The following ARAP3 variants were observed in gnomAD, a reference collection of about 807,000 sequenced individuals.
The protein encoded by ARAP3 is ArfGAP with RhoGAP domain, ankyrin repeat and PH domain 3, also known as arf-GAP with Rho-GAP domain, ANK repeat and PH domain-containing protein 3.
A neutral mutation model predicts 169.2 loss-of-function variants in ARAP3; 82 were observed. The observed-to-expected ratio is 0.48, with a 90% CI of 0.41 to 0.58. The LOEUF is 0.58. Ranked by LOEUF, ARAP3 falls within the 20% of genes least tolerant of loss-of-function variation. ARAP3 has a pLI of 0.00. For missense variants in ARAP3, 1,764 were observed against 2,018.0 expected, an observed-to-expected ratio of 0.87 and a Z score of 2.41; for synonymous variants, 791 against 800.3, an observed-to-expected ratio of 0.99 and a Z score of 0.20.
At chr5:141,674,117 C>T (rs2099911838) in intron 4 of ARAP3, among the ~76,000 whole-genome samples, 1 of 152,126 alleles carries the variant, frequency 6.6e-6, no homozygotes, top group South Asian at 2.1e-4. Flanking sequence ...GAATACGCTA[C>T]CACGCCTGGC....
intron 17 of ARAP3, among the ~76,000 whole-genome samples, chr5:141,666,049 AAAAAAT>A (rs1304058359): frequency 4.8e-5 from 7 of 145,740 alleles, no homozygotes; most frequent in African/African-American, 1.8e-4. Context: ...CAAAAAAAAA[AAAAAAT>A]AATAATAATA....
intron 4 of ARAP3, among the ~76,000 whole-genome samples, chr5:141,675,103 A>G (rs2099911987): frequency 1.3e-5 from 2 of 151,704 alleles, no homozygotes; most frequent in African/African-American, 4.8e-5. Flanking sequence ...ATTCTCCTCC[A>G]TGTTTCAGAG....
In ARAP3 at chr5:141,668,663, T is replaced by C. The variant is rs182126984; in HGVS notation, c.2352+1046A>G. On this transcript the variant is annotated intron_variant, in intron 16 of 32. Coordinates refer to ENST00000239440, the MANE Select transcript of ARAP3 (RefSeq NM_022481.6). ...GCCACGACAGAGCCCTGAAAAGATA[T>C]GGAGACAATGTGTTAGTGTGAGGAG... Among the ~76,000 whole-genome samples the C allele has an allele frequency of 5.3e-5, 8 of 152,192 alleles. No homozygotes were observed. The East Asian group carries it at 1.4e-3, about 26-fold the overall frequency.
chr5:141,667,821 C>A (rs1459488159), intron 16 of ARAP3, among the ~76,000 whole-genome samples: 2 of 151,258 alleles, frequency 1.3e-5, no homozygotes, highest in Non-Finnish European at 2.9e-5. Flanking sequence ...GCAGGCAGAT[C>A]ACCTGAGGTC....
At chr5:141,668,363 G>A (rs2099910961) in intron 16 of ARAP3, among the ~76,000 whole-genome samples, 1 of 152,174 alleles carries the variant, frequency 6.6e-6, no homozygotes, top group Admixed American at 6.5e-5. Flanking sequence ...TAAGTGCTGG[G>A]AATTGCAAGT....
In ARAP3 at chr5:141,673,085, G is replaced by A. The variant is rs764314221; in HGVS notation, c.1021C>T (p.Arg341Cys). The A allele has an allele frequency of 6.2e-6, 10 of 1,614,018 alleles. No individual in the cohort carries two copies. The highest frequency in any genetic ancestry group is 1.6e-4 in the Middle Eastern group (1 of 6,084). ...TGGAACTTGTTGTCCTTGCTGCTGCGGGTCATCTCAATGGCAGTCAAAGGT... is the reference window on the plus strand; with the variant it reads ...TGGAACTTGTTGTCCTTGCTGCTGCAGGTCATCTCAATGGCAGTCAAAGGT... ...VIPLTAIEMT[R>C]SSKDNKFQVI... Residue 341 changes from arginine to cysteine, a missense_variant, in exon 7 of 33, where the codon CGC becomes TGC. Transcript: ENST00000239440.
In ARAP3 at chr5:141,679,953, C is replaced by T. The variant is rs1196215732; in HGVS notation, c.524+10G>A. The T allele has an allele frequency of 6.2e-7, 1 of 1,613,958 alleles. No homozygotes were observed. The highest frequency in any genetic ancestry group is 1.7e-5 in the Admixed American group (1 of 59,990). On this transcript the variant is annotated intron_variant, in intron 2 of 32. Coordinates refer to ENST00000239440, the MANE Select transcript of ARAP3 (RefSeq NM_022481.6). ...CCAGCATCAGTCCCTAGGGAGCCAA[C>T]TCCACTCACTTGTCCTGAGCTGCCT...
rs754769208 is a variant in ARAP3 at position 141,662,274 on chromosome 5, C to T, written c.2801-19G>A. On this transcript the variant is annotated intron_variant, in intron 19 of 32. Transcript: ENST00000239440. ...CGGAGCCCTGAGGAGAGCCAGCCGT[C>T]TCTGCTCACCATGGTGCAAAGGCTA... 8.1e-6 allele frequency: 13 copies of T among 1,612,896 alleles called. No individual in the cohort carries two copies. Among genetic ancestry groups the T allele is most frequent in the Non-Finnish European group, 1.1e-5 (13 of 1,179,520 alleles).
rs755676610 is a variant in ARAP3, at chr5:141,658,351, G to A, written c.3526+14C>T. 8.5e-5 allele frequency: 137 copies of A among 1,611,804 alleles called. No individual in the cohort carries two copies. Among genetic ancestry groups the A allele is most frequent in the East Asian group, 5.6e-4 (25 of 44,892 alleles). ...TATACACATGCATGAACACACAGGC[G>A]TGGTCATACTCACCCAGCTCCCCAT... On this transcript the variant is annotated intron_variant, in intron 25 of 32. Coordinates refer to ENST00000239440, the MANE Select transcript of ARAP3 (RefSeq NM_022481.6).
chr5:141,673,827 G>A lies in ARAP3; in HGVS notation c.699-19C>T. ...GCTGAGCCTTGTGGGGGCCAAGACA[G>A]GGAGGGACACACATTAGACAAGTAC... On this transcript the variant is annotated intron_variant, in intron 4 of 32. Transcript: ENST00000239440. 2 of 1,612,856 alleles carry A rather than the reference G, an allele frequency of 1.2e-6. No individual in the cohort carries two copies. Among genetic ancestry groups the A allele is most frequent in the Non-Finnish European group, 1.7e-6 (2 of 1,179,586 alleles).
At chr5:141,682,040 G>A (rs1262961717) in intron 1 of ARAP3, 133 bp downstream of exon 1, 1 of 152,526 alleles carries the variant, frequency 6.6e-6, no homozygotes, top group Non-Finnish European at 1.5e-5. Flanking sequence ...GGCAGCAGGA[G>A]GGAGGGGCGG....
intron 19 of ARAP3, among the ~76,000 whole-genome samples, chr5:141,663,059 A>T (rs191853800): frequency 6.6e-6 from 1 of 152,342 alleles, no homozygotes; most frequent in African/African-American, 2.4e-5. Flanking sequence ...AGTATTCACT[A>T]ATTAAATGTT....
In ARAP3 at chr5:141,670,074, G is replaced by A. The variant is rs754162651; in HGVS notation, c.2108-11C>T. ...AAAGGCGCGGGGGAGCTAAGGCAGAGGGAGATAGTCAGGGAGCAGCAGACC... is the reference window on the plus strand; with the variant it reads ...AAAGGCGCGGGGGAGCTAAGGCAGAAGGAGATAGTCAGGGAGCAGCAGACC... On this transcript the variant is annotated splice_polypyrimidine_tract_variant and intron_variant, in intron 14 of 32. Transcript: ENST00000239440. 2.0e-5 allele frequency: 31 copies of A among 1,583,958 alleles called. No individual in the cohort carries two copies. The highest frequency in any genetic ancestry group is 2.5e-5 in the Non-Finnish European group (29 of 1,172,618).
chr5:141,659,935 G>C lies in ARAP3; in HGVS notation c.3120-9C>G, dbSNP rs1230821742. 1 of 1,548,724 alleles carries C rather than the reference G, an allele frequency of 6.5e-7. No homozygotes were observed. The highest frequency in any genetic ancestry group is 8.8e-7 in the Non-Finnish European group (1 of 1,142,702). On this transcript the variant is annotated splice_polypyrimidine_tract_variant and intron_variant, in intron 21 of 32. Coordinates refer to ENST00000239440, the MANE Select transcript of ARAP3 (RefSeq NM_022481.6). Reference sequence around the variant, plus strand: ...CCGCACATTTCTGCACCCTGCAGAGGGGTGCCACGGTCTTCATCAGTGTAG... The same window carrying C: ...CCGCACATTTCTGCACCCTGCAGAGCGGTGCCACGGTCTTCATCAGTGTAG...
At chr5:141,656,001 G>T in intron 29 of ARAP3, 63 bp downstream of exon 29, 1 of 1,613,806 alleles carries the variant, frequency 6.2e-7, no homozygotes, top group Non-Finnish European at 8.5e-7. Flanking sequence ...CATACAAAGA[G>T]GGAAGAGAAA....
intron 25 of ARAP3, 89 bp from the exon 26 acceptor site, chr5:141,656,935 C>T: frequency 6.7e-7 from 1 of 1,484,396 alleles, no homozygotes; most frequent in African/African-American, 1.4e-5. Context: ...ATCCATTCAA[C>T]TATCCAACCA....
In ARAP3 at chr5:141,672,370, G is replaced by T; in HGVS notation, c.1386-69C>A. 1 of 1,594,404 alleles carries T rather than the reference G, an allele frequency of 6.3e-7. No individual in the cohort carries two copies. Among genetic ancestry groups the T allele is most frequent in the Non-Finnish European group, 8.6e-7 (1 of 1,166,562 alleles). ...ATGTCCCATCCCCCTGGCTCTTCCT[G>T]CAGGAGCCACCACAGGCCACACCTG... On this transcript the variant is annotated intron_variant, in intron 9 of 32. Transcript: ENST00000239440. The surrounding 1 kb of genome is among the most constrained non-coding windows in gnomAD (Gnocchi z 4.9).
Position 141,664,072 on chromosome 5 carries a change from G to A in ARAP3, c.2800+850C>T, listed in dbSNP as rs78589068. Among the ~76,000 whole-genome samples, 367 of 152,064 alleles carry A rather than the reference G, an allele frequency of 2.4e-3. 2 individuals carry two copies. The highest frequency in any genetic ancestry group is 7.9e-3 in the African/African-American group (327 of 41,456). On this transcript the variant is annotated intron_variant, in intron 19 of 32. Coordinates refer to ENST00000239440, the MANE Select transcript of ARAP3 (RefSeq NM_022481.6). ...TTCACAGGAGAAATAGATTCTTTTC[G>A]GTCCTTATTTAGGATAAAAAACTTA...
At position 141,662,035 on chromosome 5, in the gene ARAP3, A is replaced by G; in HGVS notation, c.3013+8T>C. ...TTGGGCCTTGGCTCTCAGGGATCTT[A>G]GGAATACCAGCAGCCTCCCTCCAGC... On this transcript the variant is annotated splice_region_variant and intron_variant, in intron 20 of 32. Transcript: ENST00000239440. 6.2e-7 allele frequency: 1 copy of G among 1,614,074 alleles called. No homozygotes were observed. The highest frequency in any genetic ancestry group is 1.1e-5 in the South Asian group (1 of 91,070).
Sources: allele counts gnomAD v4.1 joint callset (sites outside exome capture counted in the v4.1 genomes callset), GRCh38; gene constraint gnomAD v4.1.1; non-coding constraint Gnocchi (gnomAD v3.1); transcripts MANE v1.5; gene names NCBI Gene and HGNC (gene_info 2026-07-23, HGNC 2026-07-21).